Variants in KMT2C observed in about 807,000 individuals in gnomAD.
KMT2C encodes histone-lysine N-methyltransferase 2C.
In KMT2C, 88 loss-of-function variants were observed where a neutral mutation model predicts 507.9. The observed-to-expected ratio is 0.17, with a 90% CI of 0.15 to 0.21. The LOEUF (loss-of-function observed/expected upper bound fraction) is 0.21, where lower values mean the gene tolerates loss of function less well. Among genes scored for constraint, KMT2C ranks in the 10% least tolerant of loss-of-function variants. KMT2C has a pLI of 1.00. For missense variants in KMT2C, 4,954 were observed against 5,957.8 expected, an observed-to-expected ratio of 0.83 and a Z score of 5.55; for synonymous variants, 2,049 against 2,080.8, an observed-to-expected ratio of 0.98 and a Z score of 0.42.
intron 23 of KMT2C, 151 bp from the exon 24 acceptor site, chr7:152,207,579 C>A (rs1588206100): frequency 1.5e-6 from 1 of 676,020 alleles, no homozygotes; most frequent in Non-Finnish European, 2.5e-6. Context: ...ATAGAAGAAG[C>A]CCCAAATGGT....
chr7:152,389,810 C>G (rs558724309), intron 1 of KMT2C, among the ~76,000 whole-genome samples: 3 of 152,186 alleles, frequency 2.0e-5, no homozygotes, highest in Non-Finnish European at 2.9e-5. Flanking sequence ...CTTCATTATG[C>G]TGGTCCATAT....
rs1057307371 is a variant in KMT2C, at chr7:152,294,635, G to A, written c.849+15331C>T. On this transcript the variant is annotated intron_variant, in intron 6 of 58. Transcript: ENST00000262189. ...CAACACAGCAAGATCCCTCTCTGCC[G>A]GACCCGCCACTCCCAAAATAGAAGA... Among the ~76,000 whole-genome samples, 62 of 151,390 alleles carry A rather than the reference G, an allele frequency of 4.1e-4. 1 individual carries two copies. The highest frequency in any genetic ancestry group is 1.0e-3 in the South Asian group (5 of 4,766).
intron 3 of KMT2C, 137 bp downstream of exon 3, chr7:152,330,464 T>A (rs2096872618): frequency 1.2e-6 from 1 of 824,398 alleles, no homozygotes; most frequent in Non-Finnish European, 1.9e-6. Flanking sequence ...AGGTATCAGC[T>A]TCAAATTTAG....
intron 2 of KMT2C, among the ~76,000 whole-genome samples, chr7:152,353,132 C>A (rs1193609124): frequency 6.6e-6 from 1 of 152,238 alleles, no homozygotes; most frequent in South Asian, 2.1e-4. Flanking sequence ...AACAAAAGAT[C>A]AAATTTTCTC....
At chr7:152,363,497 C>T (rs1365203644) in intron 1 of KMT2C, among the ~76,000 whole-genome samples, 1 of 152,140 alleles carries the variant, frequency 6.6e-6, no homozygotes, top group Non-Finnish European at 1.5e-5. Context: ...CCAGCCCAAA[C>T]AACTAGGAAA....
chr7:152,194,171 T>TA, intron 30 of KMT2C, 43 bp from the exon 31 acceptor site: 2 of 1,567,408 alleles, frequency 1.3e-6, no homozygotes, highest in Non-Finnish European at 1.7e-6. Flanking sequence ...AAAAGACTAG[T>TA]AGGGTCCTGG....
chr7:152,395,114 T>G (rs2097528971), intron 1 of KMT2C, among the ~76,000 whole-genome samples: 2 of 151,976 alleles, frequency 1.3e-5, no homozygotes, highest in Non-Finnish European at 2.9e-5. Context: ...CAAGAAAAAA[T>G]AAAAGTTTGG....
chr7:152,316,781 G>A (rs939665489), intron 3 of KMT2C, among the ~76,000 whole-genome samples: 42 of 150,964 alleles, frequency 2.8e-4, no homozygotes, highest in Non-Finnish European at 3.1e-4. Context: ...GAGAAACTAT[G>A]TTGTCTGCTG....
chr7:152,326,107 A>T (rs1035436257), intron 3 of KMT2C, among the ~76,000 whole-genome samples: 2 of 152,152 alleles, frequency 1.3e-5, no homozygotes, highest in African/African-American at 4.8e-5. Flanking sequence ...GACTTAATTT[A>T]TTAGTGTGTT....
rs185687283 is a variant in KMT2C at position 152,316,215 on chromosome 7, T to C, written c.390-877A>G. 1.3e-3 allele frequency among the ~76,000 whole-genome samples: 196 copies of C among 152,250 alleles called. 1 individual carries two copies. Among genetic ancestry groups the C allele is most frequent in the Middle Eastern group, 0.01 (3 of 294 alleles). ...GATTTTTTAGGCCAGTGAAACCATT[T>C]TATATGATACTATAATGGTAGATAC... On this transcript the variant is annotated intron_variant, in intron 3 of 58. Coordinates refer to ENST00000262189, the MANE Select transcript of KMT2C (RefSeq NM_170606.3).
chr7:152,307,051 C>T (rs1190355990), intron 6 of KMT2C, among the ~76,000 whole-genome samples: 2 of 151,938 alleles, frequency 1.3e-5, no homozygotes, highest in East Asian at 3.9e-4. Flanking sequence ...CCCGGATATT[C>T]GGGAGGCTCG....
intron 9 of KMT2C, among the ~76,000 whole-genome samples, chr7:152,259,446 GCACACACACACACACACACACACACA>G (rs372982101): frequency 3.0e-5 from 4 of 134,688 alleles, no homozygotes; most frequent in African/African-American, 1.1e-4. Flanking sequence ...ACACACACGC[GCACACACACACACACACACACACACA>G]CACACACACA....
Position 152,248,769 on chromosome 7 carries a change from T to C in KMT2C, c.1814-149A>G, listed in dbSNP as rs536955969. On this transcript the variant is annotated intron_variant, in intron 13 of 58. Coordinates refer to ENST00000262189, the MANE Select transcript of KMT2C (RefSeq NM_170606.3). ...ATTATTAAGTGAATGAAAGCCAAAG[T>C]ACACAAGGATTTATGGATTAGAATC... 4.8e-4 allele frequency: 282 copies of C among 586,056 alleles called. 1 individual carries two copies. Among genetic ancestry groups the C allele is most frequent in the African/African-American group, 4.5e-3 (241 of 53,414 alleles). 36.3% of individuals were successfully genotyped at this position (586,056 alleles called of 1,614,324 possible). A position where few individuals can be genotyped will look rare whatever the true frequency, so the allele number is the denominator to read the frequency against.
intron 6 of KMT2C, among the ~76,000 whole-genome samples, chr7:152,284,856 A>G (rs1264715946): frequency 6.6e-6 from 1 of 152,266 alleles, no homozygotes; most frequent in East Asian, 1.9e-4. Flanking sequence ...CAAACCCACA[A>G]TAAATTATCA....
intron 11 of KMT2C, 54 bp downstream of exon 11, chr7:152,251,885 T>C (rs2095567767): frequency 3.0e-6 from 4 of 1,349,492 alleles, no homozygotes; most frequent in Middle Eastern, 2.2e-4. Context: ...GGTGATACAA[T>C]GGCACAACAT....
In KMT2C at chr7:152,162,752, T is replaced by C. The variant is rs1446340910; in HGVS notation, c.10825A>G (p.Lys3609Glu). Residue 3609 changes from lysine (K) to glutamate (E), a missense_variant, in exon 43 of 59, where the codon AAG becomes GAG. This residue lies in a region of KMT2C where 801 missense variants were observed against 751.2 expected (regional missense o/e 1.07). Coordinates refer to ENST00000262189, the MANE Select transcript of KMT2C (RefSeq NM_170606.3). ...EEKGKKKRTR[K>E]KKRDDDAEST... ...TCTGCATCATCATCTCTTTTCTTCT[T>C]TCTTGTTCTTTTCTTTTTCCCTTTT... 41 of 1,614,084 alleles carry C rather than the reference T, an allele frequency of 2.5e-5. No homozygotes were observed. The highest frequency in any genetic ancestry group is 3.3e-5 in the Non-Finnish European group (39 of 1,180,044).
intron 1 of KMT2C, among the ~76,000 whole-genome samples, chr7:152,370,204 A>C (rs1303632355): frequency 2.0e-5 from 3 of 152,256 alleles, no homozygotes; most frequent in Non-Finnish European, 4.4e-5. Context: ...AAAAAAAAAA[A>C]AAGAAGACAA....
chr7:152,239,326 C>T (rs750256161), intron 14 of KMT2C, among the ~76,000 whole-genome samples: 2 of 152,088 alleles, frequency 1.3e-5, no homozygotes, highest in Non-Finnish European at 2.9e-5. Context: ...CATAAGCAAT[C>T]GATAAATGCA....
chr7:152,298,615 G>C (rs2096536886), intron 6 of KMT2C, among the ~76,000 whole-genome samples: 1 of 152,068 alleles, frequency 6.6e-6, no homozygotes, highest in African/African-American at 2.4e-5. Context: ...TTCATCACCA[G>C]GAGACTTTCA....
Sources: gnomAD v4.1 joint callset for allele counts (sites outside exome capture counted in the v4.1 genomes callset) on GRCh38, gnomAD v4.1.1 for gene constraint, gnomAD v4.1.1 regional missense constraint, MANE v1.5 for transcripts, NCBI Gene and HGNC (gene_info 2026-07-23, HGNC 2026-07-21) for gene names.